Variants in ARHGEF11 observed in about 807,000 individuals in gnomAD.
ARHGEF11 encodes Rho guanine nucleotide exchange factor 11, also known as Rho guanine exchange factor (GEF) 11.
A neutral mutation model predicts 193.7 loss-of-function variants in ARHGEF11; 55 were observed. The observed-to-expected ratio is 0.28, with a 90% confidence interval of 0.23 to 0.36. ARHGEF11 has a LOEUF of 0.36. ARHGEF11 is among the 10% of genes least tolerant of loss of function. The pLI, the probability that ARHGEF11 is intolerant of heterozygous loss-of-function variation, is 1.00. For synonymous variants in ARHGEF11, 693 were observed against 768.0 expected, an observed-to-expected ratio of 0.90 and a Z score of 1.62; for missense variants, 1,723 against 2,005.6, an observed-to-expected ratio of 0.86 and a Z score of 2.69.
At chr1:156,962,450 TG>T (rs1661027157) in intron 13 of ARHGEF11, among the ~76,000 whole-genome samples, 2 of 152,316 alleles carry the variant, frequency 1.3e-5, no homozygotes, top group Admixed American at 1.3e-4. Flanking sequence ...CCCGGCACTT[TG>T]GTCTCCATCC....
rs569428365 is a variant in ARHGEF11, at chr1:156,938,961, T to C, written c.4097-448A>G. 172 of 184,932 alleles carry C rather than the reference T, an allele frequency of 9.3e-4. 1 individual carries two copies. The highest frequency in any genetic ancestry group is 4.0e-3 in the African/African-American group (167 of 42,102). 11.5% of individuals were successfully genotyped at this position (184,932 alleles called of 1,614,324 possible). ...TATTGGCCTCCCTGTGAGCTTGTCT[T>C]GGCTTTTCTTGTCTCAAGGCCGTCC... On this transcript the variant is annotated intron_variant, in intron 37 of 40. Coordinates refer to ENST00000368194, the MANE Select transcript of ARHGEF11 (RefSeq NM_198236.3).
At chr1:156,946,843 C>A (rs1300181276) in intron 27 of ARHGEF11, 56 bp from the exon 28 acceptor site, 1 of 1,395,692 alleles carries the variant, frequency 7.2e-7, no homozygotes, top group Non-Finnish European at 9.5e-7. Flanking sequence ...TGGGACCAGA[C>A]CCCTGCCTTT....
intron 19 of ARHGEF11, 49 bp from the exon 20 acceptor site, chr1:156,955,848 G>C: frequency 7.0e-7 from 1 of 1,434,104 alleles, no homozygotes; most frequent in East Asian, 2.3e-5. Flanking sequence ...TGATACCCAG[G>C]CGTGGCTGCT....
At chr1:157,032,312 TAGAC>T (rs542612078) in intron 1 of ARHGEF11, among the ~76,000 whole-genome samples, 241 of 152,296 alleles carry the variant, frequency 1.6e-3, no homozygotes, top group African/African-American at 4.9e-3. Context: ...AGTTTTGAAA[TAGAC>T]AGTGAACAAA....
At chr1:157,029,167 C>CA (rs778433244) in intron 1 of ARHGEF11, among the ~76,000 whole-genome samples, 1,448 of 49,804 alleles carry the variant, frequency 0.029, 20 homozygotes, top group African/African-American at 0.049. Flanking sequence ...GACCCTGTCT[C>CA]AAAAAAAAAA....
intron 1 of ARHGEF11, among the ~76,000 whole-genome samples, chr1:157,000,961 G>A (rs74960015): frequency 0.034 from 5,167 of 152,274 alleles, 293 homozygotes; most frequent in African/African-American, 0.12. Context: ...AAAGAAGGGC[G>A]TGCAGACAGG....
chr1:156,974,650 G>A (rs567241573), intron 7 of ARHGEF11, among the ~76,000 whole-genome samples: 6 of 152,292 alleles, frequency 3.9e-5, no homozygotes, highest in African/African-American at 1.4e-4. Flanking sequence ...GCTGGTACCT[G>A]TAAGCAGTCA....
chr1:157,015,214 C>T (rs984632522), intron 1 of ARHGEF11, among the ~76,000 whole-genome samples: 1 of 152,116 alleles, frequency 6.6e-6, no homozygotes, highest in African/African-American at 2.4e-5. Context: ...TCAGAGACTG[C>T]TTGATATAGT....
At chr1:156,945,309 G>C (rs1268427204) in intron 29 of ARHGEF11, 112 bp from the exon 30 acceptor site, 1 of 1,279,080 alleles carries the variant, frequency 7.8e-7, no homozygotes, top group East Asian at 2.4e-5. Flanking sequence ...CAAACCAGCA[G>C]GCGTGGGTGG....
chr1:157,007,899 G>GTTTTTTTTTTTTT (rs11290114), intron 1 of ARHGEF11, among the ~76,000 whole-genome samples: 14 of 128,944 alleles, frequency 1.1e-4, no homozygotes, highest in South Asian at 7.3e-4. Context: ...GAAGGCAAAG[G>GTTTTTTTTTTTTT]TTTTTTTTTT....
At position 156,948,365 on chromosome 1, in the gene ARHGEF11, G is replaced by A. The variant is rs200051467; in HGVS notation, c.2059C>T (p.Arg687Cys). 6.2e-6 allele frequency: 10 copies of A among 1,614,202 alleles called. No individual in the cohort carries two copies. The highest frequency in any genetic ancestry group is 2.2e-5 in the East Asian group (1 of 44,888). ...GAGGACGAGGCTGACTGGTGCAGGC[G>A]AGTAGCCTCCGCAGCAGCATCCATG... Reference protein sequence around the residue: ...VDMDAAAEATRLHQSASSSTS... With the variant: ...VDMDAAAEATCLHQSASSSTS... The change falls in exon 23 of 41, where the codon CGC becomes TGC. Residue 687 changes from arginine (R) to cysteine (C), a missense_variant. This residue lies in a region of ARHGEF11 where 491 missense variants were observed against 654.5 expected (regional missense o/e 0.75). Transcript: ENST00000368194. The surrounding 1 kb of genome is among the most constrained non-coding windows in gnomAD (Gnocchi z 4.2).
Position 156,945,065 on chromosome 1 carries a change from G to A in ARHGEF11, c.2945C>T (p.Ala982Val), listed in dbSNP as rs1657865921. ...GTTGCTGGCCCTCTCCAGGGCGGTG[G>A]CATCCAGGCGTTTCTGGTAGCCCTC... ...RLEGYQKRLD[A>V]TALERASNPL... The change falls in exon 30 of 41, where the codon GCC becomes GTC. Residue 982 changes from alanine to valine, a missense_variant. By Grantham distance (64) the Ala-to-Val change is moderately conservative. Transcript: ENST00000368194. 1.2e-6 allele frequency: 2 copies of A among 1,614,134 alleles called. No homozygotes were observed. Among genetic ancestry groups the A allele is most frequent in the Non-Finnish European group, 1.7e-6 (2 of 1,180,028 alleles).
At chr1:156,954,373 G>T (rs540432364) in intron 21 of ARHGEF11, among the ~76,000 whole-genome samples, 1 of 95,428 alleles carries the variant, frequency 1.0e-5, no homozygotes, top group Admixed American at 1.5e-4. Context: ...GAGTGAAACT[G>T]TGTCTCCAAA....
chr1:156,967,464 T>A (rs1661829818), intron 11 of ARHGEF11, among the ~76,000 whole-genome samples: 1 of 152,196 alleles, frequency 6.6e-6, no homozygotes, highest in African/African-American at 2.4e-5. Context: ...AGCTCCACCC[T>A]TGAGAGCAGG....
Position 156,946,048 on chromosome 1 carries a change from C to G in ARHGEF11, c.2809G>C (p.Glu937Gln), listed in dbSNP as rs1658051450. The G allele has an allele frequency of 6.2e-7, 1 of 1,612,802 alleles. No individual in the cohort carries two copies. Among genetic ancestry groups the G allele is most frequent in the Non-Finnish European group, 8.5e-7 (1 of 1,179,328 alleles). The change falls in exon 29 of 41, where the codon GAG (glutamate) becomes CAG (glutamine). Residue 937 changes from glutamate to glutamine, a missense_variant. Around this residue, in one of 5 missense-constraint regions of ARHGEF11, gnomAD observed 491 missense variants for 654.5 expected, o/e 0.75. Coordinates refer to ENST00000368194, the MANE Select transcript of ARHGEF11 (RefSeq NM_198236.3). The part of the protein sequence containing the change: ...LLLESIIKHT[E>Q]GGTSEHEKLC... ...CCAGCCCCTCCCCAGGTGCTACCCT[C>G]TGTGTGCTTGATGATGCTCTCCAGC...
intron 11 of ARHGEF11, among the ~76,000 whole-genome samples, chr1:156,966,736 G>T (rs578115811): frequency 1.3e-5 from 2 of 152,278 alleles, no homozygotes; most frequent in Admixed American, 1.3e-4. Context: ...AAAAATTTCA[G>T]CCTGGTGCCT....
rs1667872125 is a variant in ARHGEF11 at position 157,006,735 on chromosome 1, C to G, written c.33-20562G>C. ...AGACTGAGAAAAGTTTCACCATCTG[C>G]TGGCACCTCCTTCCCTGGATCACAC... On this transcript the variant is annotated intron_variant, in intron 1 of 40. Transcript: ENST00000368194. Among the ~76,000 whole-genome samples, 3 of 152,320 alleles carry G rather than the reference C, an allele frequency of 2.0e-5. No individual in the cohort carries two copies. The South Asian group carries it at 6.2e-4, about 32-fold the overall frequency.
In ARHGEF11 at chr1:156,977,046, T is replaced by A. The variant is rs1368894123; in HGVS notation, c.519A>T (p.Glu173Asp). 1.2e-6 allele frequency: 2 copies of A among 1,613,892 alleles called. No individual in the cohort carries two copies. The highest frequency in any genetic ancestry group is 1.7e-6 in the Non-Finnish European group (2 of 1,179,916). ...GGATCTGGGTGGCATGTTTTTGAAC[T>A]TCGGGATCCTAGACATGGAAAATAT... Reference protein sequence around the residue: ...ITGPKPLQDPEVQKHATQILR... With the variant: ...ITGPKPLQDPDVQKHATQILR... Residue 173 changes from glutamate to aspartate, a missense_variant, in exon 7 of 41, where the codon GAA becomes GAT. Transcript: ENST00000368194.
At chr1:156,990,002 A>G (rs1356156943) in intron 1 of ARHGEF11, among the ~76,000 whole-genome samples, 1 of 152,214 alleles carries the variant, frequency 6.6e-6, no homozygotes, top group East Asian at 1.9e-4. Context: ...AGTCTGATAC[A>G]ATATTATCTA....
Sources: gnomAD v4.1 joint callset for allele counts (sites outside exome capture counted in the v4.1 genomes callset) on GRCh38, gnomAD v4.1.1 for gene constraint, gnomAD v4.1.1 regional missense constraint, Gnocchi (gnomAD v3.1) non-coding constraint, MANE v1.5 for transcripts, NCBI Gene and HGNC (gene_info 2026-07-23, HGNC 2026-07-21) for gene names.